TARS2: variants seen among roughly 807,000 people sequenced by gnomAD.
TARS2 encodes threonyl-tRNA synthetase 2, mitochondrial, also known as threonine--tRNA ligase, mitochondrial.
In TARS2, 61 loss-of-function variants were observed where a neutral mutation model predicts 94.4. The observed-to-expected ratio is 0.65, with a 90% CI of 0.53 to 0.80. The LOEUF (loss-of-function observed/expected upper bound fraction) is 0.80. Among genes scored for constraint, TARS2 ranks in the 30% least tolerant of loss-of-function variants. TARS2 has a pLI of 0.00. For synonymous variants in TARS2, 359 were observed against 353.4 expected (o/e 1.02, Z -0.18); for missense variants, 704 against 902.5 (o/e 0.78, Z 2.82).
At chr1:150,488,122 G>A (rs1669230510) in intron 2 of TARS2, 68 bp downstream of exon 2, 3 of 1,540,480 alleles carry the variant, frequency 1.9e-6, no homozygotes, top group South Asian at 2.4e-5. Flanking sequence ...CACTTGAGCA[G>A]GGGAAGAAAA....
Position 150,497,590 on chromosome 1 carries a change from C to A in TARS2, c.1081C>A (p.Leu361Ile), listed in dbSNP as rs1669720495. Residue 361 changes from leucine to isoleucine, a missense_variant, in exon 10 of 18, where the codon CTC (leucine) becomes ATC (isoleucine). By Grantham distance (5) the Leu-to-Ile change is conservative. Coordinates refer to ENST00000369064, the MANE Select transcript of TARS2 (RefSeq NM_025150.5). ...AACTCCCACACTGTTTTCTACGAAG[C>A]TCTGGGAACAGTCAGGGCACTGGGA... ...VKTPTLFSTK[L>I]WEQSGHWEHY... 1 of 1,614,086 alleles carries A rather than the reference C, an allele frequency of 6.2e-7. No individual in the cohort carries two copies. Among genetic ancestry groups the A allele is most frequent in the Non-Finnish European group, 8.5e-7 (1 of 1,180,040 alleles).
chr1:150,488,086 A>G, intron 2 of TARS2, 32 bp downstream of exon 2: 1 of 1,605,186 alleles, frequency 6.2e-7, no homozygotes. Context: ...TACCAGGATT[A>G]TCCTTCTGCC....
rs1172324972 is a variant in TARS2 at position 150,487,846 on chromosome 1, CTT to C, written c.67-10_67-9del. On this transcript the variant is annotated splice_polypyrimidine_tract_variant and intron_variant, in intron 1 of 17. Transcript: ENST00000369064. The stretch of plus-strand genomic sequence containing the variant: ...GGACGTGTGTTACCTGCTAATATAT[CTT>C]TCCCTCCAGGCAGTTGTGTCGACCC... 1 of 1,609,944 alleles carries C rather than the reference CTT, an allele frequency of 6.2e-7. No homozygotes were observed. Among genetic ancestry groups the C allele is most frequent in the Admixed American group, 1.7e-5 (1 of 59,420 alleles).
intron 10 of TARS2, 61 bp from the exon 11 acceptor site, chr1:150,498,441 G>GATCTC: frequency 6.7e-7 from 1 of 1,502,776 alleles, no homozygotes; most frequent in Non-Finnish European, 8.8e-7. Context: ...ATTGGGTGGA[G>GATCTC]GAGCAGTCTT....
intron 1 of TARS2, 136 bp downstream of exon 1, chr1:150,487,652 C>A: frequency 7.6e-7 from 1 of 1,315,936 alleles, no homozygotes; most frequent in Non-Finnish European, 1.0e-6. Flanking sequence ...GGACTCGTAT[C>A]TAAACTCGTT....
chr1:150,491,737 G>T, intron 6 of TARS2, 75 bp downstream of exon 6: 1 of 1,437,364 alleles, frequency 7.0e-7, no homozygotes. Flanking sequence ...GATAAGGGAA[G>T]AAAGATAGAA....
chr1:150,493,336 G>C (rs909483467), intron 7 of TARS2, among the ~76,000 whole-genome samples: 4 of 152,176 alleles, frequency 2.6e-5, no homozygotes, highest in Admixed American at 1.3e-4. Context: ...TGGAGCAGGA[G>C]GGTGTGAGCA....
chr1:150,488,129 A>C, intron 2 of TARS2, 75 bp downstream of exon 2: 2 of 1,519,750 alleles, frequency 1.3e-6, no homozygotes, highest in Non-Finnish European at 8.9e-7. Context: ...GCAGGGGAAG[A>C]AAACTTGGTC....
intron 9 of TARS2, 32 bp from the exon 10 acceptor site, chr1:150,497,498 C>CT: frequency 6.2e-7 from 1 of 1,606,828 alleles, no homozygotes; most frequent in Non-Finnish European, 8.5e-7. Context: ...TCCAGTTACT[C>CT]TGACCTTCCA....
chr1:150,492,631 G>A (rs1669447389), intron 7 of TARS2, 142 bp downstream of exon 7: 1 of 772,372 alleles, frequency 1.3e-6, no homozygotes, highest in East Asian at 3.0e-5. Context: ...CCAATATGGT[G>A]AAACCCCGTC....
Position 150,499,690 on chromosome 1 carries a change from G to A in TARS2, c.1617+397G>A, listed in dbSNP as rs587655303. ...CACAAAGAAATATTTTTAAACTTACGTAGGATATAAAGAAAAACAATATAC... is the reference window on the plus strand; with the variant it reads ...CACAAAGAAATATTTTTAAACTTACATAGGATATAAAGAAAAACAATATAC... On this transcript the variant is annotated intron_variant, in intron 13 of 17. Transcript: ENST00000369064. Among the ~76,000 whole-genome samples the A allele has an allele frequency of 6.6e-5, 10 of 152,134 alleles. No homozygotes were observed. The South Asian group carries it at 1.9e-3, about 28-fold the overall frequency.
Position 150,497,654 on chromosome 1 carries a change from G to T in TARS2, c.1145G>T (p.Gly382Val). The change falls in exon 10 of 18, where the codon GGC becomes GTC. Residue 382 changes from glycine (G) to valine (V), a missense_variant. By Grantham distance (109) the Gly-to-Val change is moderately radical. This residue lies in a region of TARS2 where 466 missense variants were observed against 609.5 expected (regional missense o/e 0.76). Transcript: ENST00000369064. Reference protein sequence around the residue: ...QEDMFAVQPPGSDRPPSSQSD... With the variant: ...QEDMFAVQPPVSDRPPSSQSD... ...GACATGTTTGCCGTGCAGCCCCCAG[G>T]CTCTGACAGGCCTCCCAGCTCCCAG... 1 of 1,614,134 alleles carries T rather than the reference G, an allele frequency of 6.2e-7. No individual in the cohort carries two copies. The highest frequency in any genetic ancestry group is 1.3e-5 in the African/African-American group (1 of 75,030).
At chr1:150,496,932 AAAG>A (rs757739617) in intron 9 of TARS2, 24 bp downstream of exon 9, 1 of 1,608,976 alleles carries the variant, frequency 6.2e-7, no homozygotes, top group South Asian at 1.1e-5. Context: ...GGTCTAGAGG[AAAG>A]AAGACCAGGG....
At chr1:150,494,449 C>T (rs12116970) in intron 7 of TARS2, among the ~76,000 whole-genome samples, 40,754 of 150,022 alleles carry the variant, frequency 0.27, 6,629 homozygotes, top group African/African-American at 0.45. Flanking sequence ...CTGTAAAATA[C>T]AGACTGTCGG....
intron 2 of TARS2, chr1:150,488,469 T>TTTC (rs1669245138): frequency 5.8e-6 from 1 of 171,130 alleles, no homozygotes; most frequent in Admixed American, 5.7e-5. Context: ...GATGAGCAAC[T>TTTC]TTCTCCCCAC....
At chr1:150,501,636 G>T (rs924775333) in intron 13 of TARS2, among the ~76,000 whole-genome samples, 1 of 150,976 alleles carries the variant, frequency 6.6e-6, no homozygotes, top group Non-Finnish European at 1.5e-5. Flanking sequence ...GCGCCCGACC[G>T]TCTCTACAAA....
At chr1:150,488,183 G>T (rs1570829233) in intron 2 of TARS2, 129 bp downstream of exon 2, 1 of 1,154,228 alleles carries the variant, frequency 8.7e-7, no homozygotes, top group South Asian at 1.6e-5. Context: ...CTTTCCTGAA[G>T]ATTTTGTTTT....
In TARS2 at chr1:150,492,801, G is replaced by A. The variant is rs587646484; in HGVS notation, c.774+312G>A. 4.9e-5 allele frequency among the ~76,000 whole-genome samples: 5 copies of A among 102,808 alleles called. No individual in the cohort carries two copies. In the East Asian group the frequency reaches 1.1e-3, roughly 22 times the overall value. The allele number at this position is 102,808 out of a possible 152,430, so 67.4% of individuals were successfully genotyped here. ...CTCCAGCCTGGGCAACAGAGCGAGA[G>A]TCCATCTCAAAAAAAAAAAAAAAAA... On this transcript the variant is annotated intron_variant, in intron 7 of 17. Transcript: ENST00000369064.
In TARS2 at chr1:150,489,058, C is replaced by G; in HGVS notation, c.358C>G (p.Leu120Val). ...PLETDSDLRF[L>V]TFDSPEGKAV... ...GGAGACAGATTCTGACCTCAGATTT[C>G]TGACATTCGATTCCCCAGAGGGGAA... Residue 120 changes from leucine to valine, a missense_variant, in exon 3 of 18, where the codon CTG (leucine) becomes GTG (valine). Physicochemically the swap from Leu to Val is conservative, Grantham distance 32 (BLOSUM62 1). Coordinates refer to ENST00000369064, the MANE Select transcript of TARS2 (RefSeq NM_025150.5). 1 of 1,614,194 alleles carries G rather than the reference C, an allele frequency of 6.2e-7. No homozygotes were observed. The highest frequency in any genetic ancestry group is 8.5e-7 in the Non-Finnish European group (1 of 1,180,034).
Sources: gnomAD v4.1 joint callset for allele counts (sites outside exome capture counted in the v4.1 genomes callset) on GRCh38, gnomAD v4.1.1 for gene constraint, gnomAD v4.1.1 regional missense constraint, MANE v1.5 for transcripts, NCBI Gene and HGNC (gene_info 2026-07-23, HGNC 2026-07-21) for gene names.